The following MTUS2 variants were observed in gnomAD, a reference collection of about 807,000 sequenced individuals.
MTUS2 encodes microtubule associated scaffold protein 2.
MTUS2 carries 40 observed loss-of-function variants against 114.1 expected under a neutral mutation model. That is an observed-to-expected ratio of 0.35 (90% CI 0.27 to 0.46). The LOEUF (loss-of-function observed/expected upper bound fraction) is 0.46, where lower values mean the gene tolerates loss of function less well. MTUS2 is among the 20% of genes least tolerant of loss of function. The pLI is 1.00. For synonymous variants in MTUS2, 688 were observed against 672.0 expected (o/e 1.02, Z -0.37); for missense variants, 1,679 against 1,705.4 (o/e 0.98, Z 0.27).
chr13:28,999,851 A>G (rs1331810887), intron 2 of MTUS2, among the ~76,000 whole-genome samples: 1 of 152,314 alleles, frequency 6.6e-6, no homozygotes. Flanking sequence ...TAGATTCCAT[A>G]TATGAGTGAC....
intron 10 of MTUS2, among the ~76,000 whole-genome samples, chr13:29,483,308 G>A (rs1881340980): frequency 6.6e-6 from 1 of 152,210 alleles, no homozygotes; most frequent in Admixed American, 6.5e-5. Flanking sequence ...GGACTCGCCG[G>A]CCGAGGCAGG....
chr13:28,849,792 T>C (rs1220520825), intron 2 of MTUS2, among the ~76,000 whole-genome samples: 1 of 152,114 alleles, frequency 6.6e-6, no homozygotes, highest in Non-Finnish European at 1.5e-5. Flanking sequence ...GACGTTCTTC[T>C]GTCTAGAATG....
intron 1 of MTUS2, among the ~76,000 whole-genome samples, chr13:28,828,727 G>C (rs1057398415): frequency 2.0e-5 from 3 of 151,994 alleles, no homozygotes; most frequent in Admixed American, 6.6e-5. Context: ...AAGACACTTA[G>C]TAATACAAAT....
At chr13:29,088,417 T>C (rs922999513) in intron 4 of MTUS2, among the ~76,000 whole-genome samples, 6 of 152,174 alleles carry the variant, frequency 3.9e-5, no homozygotes, top group Admixed American at 2.6e-4. Context: ...TCTTAGAGTA[T>C]GTGCCATGTG....
At chr13:29,255,121 A>G (rs1897251584) in intron 5 of MTUS2, among the ~76,000 whole-genome samples, 1 of 152,178 alleles carries the variant, frequency 6.6e-6, no homozygotes, top group Admixed American at 6.5e-5. Context: ...CTCCCCGGTG[A>G]ACATTTTCTG....
intron 9 of MTUS2, among the ~76,000 whole-genome samples, chr13:29,473,276 G>A (rs565381000): frequency 6.6e-6 from 1 of 152,282 alleles, no homozygotes; most frequent in East Asian, 1.9e-4. Context: ...ACGAGCTGTA[G>A]AGCCAGATAG....
At chr13:29,263,130 G>C (rs767703572) in intron 5 of MTUS2, among the ~76,000 whole-genome samples, 5 of 152,204 alleles carry the variant, frequency 3.3e-5, no homozygotes, top group Admixed American at 6.5e-5. Context: ...GTGTTTGACT[G>C]TACTATATGG....
chr13:28,943,208 C>T (rs181947526), intron 2 of MTUS2, among the ~76,000 whole-genome samples: 1 of 152,158 alleles, frequency 6.6e-6, no homozygotes, highest in Admixed American at 6.5e-5. Flanking sequence ...ATTTTTAGAG[C>T]TAGTTAGGTA....
At chr13:29,439,929 T>C in intron 8 of MTUS2, 54 bp from the exon 9 acceptor site, 1 of 1,315,800 alleles carries the variant, frequency 7.6e-7, no homozygotes, top group Non-Finnish European at 1.1e-6. Flanking sequence ...CATGTGAAAG[T>C]GCTTATCTAG....
chr13:29,131,513 G>A (rs1289853425), intron 5 of MTUS2, among the ~76,000 whole-genome samples: 2 of 152,258 alleles, frequency 1.3e-5, no homozygotes, highest in Non-Finnish European at 2.9e-5. Context: ...CTTGGCGTGG[G>A]CAGACAGCTG....
At chr13:29,142,693 G>C (rs554840117) in intron 5 of MTUS2, among the ~76,000 whole-genome samples, 94 of 152,180 alleles carry the variant, frequency 6.2e-4, no homozygotes, top group Non-Finnish European at 1.2e-3. Context: ...GCAACAGAGT[G>C]AGACTGTCTC....
At chr13:29,023,139 G>T (rs778785606) in intron 2 of MTUS2, among the ~76,000 whole-genome samples, 40 of 152,292 alleles carry the variant, frequency 2.6e-4, no homozygotes, top group Middle Eastern at 6.8e-3. Flanking sequence ...ATGAGGTTGG[G>T]GGAGGATTCC....
intron 8 of MTUS2, among the ~76,000 whole-genome samples, chr13:29,416,082 ATTT>A (rs139281629): frequency 1.6e-5 from 2 of 127,734 alleles, no homozygotes; most frequent in Non-Finnish European, 1.6e-5. Flanking sequence ...CACCCCACTA[ATTT>A]TTTTTTTTTT....
chr13:29,255,246 G>A (rs1301204307), intron 5 of MTUS2, among the ~76,000 whole-genome samples: 1 of 152,162 alleles, frequency 6.6e-6, no homozygotes, highest in Non-Finnish European at 1.5e-5. Flanking sequence ...GGTTCAGATA[G>A]AGGCATGGTG....
intron 2 of MTUS2, among the ~76,000 whole-genome samples, chr13:28,903,110 C>G (rs1301477832): frequency 6.6e-6 from 1 of 152,020 alleles, no homozygotes; most frequent in African/African-American, 2.4e-5. Context: ...GAAGAACTTC[C>G]TTTAGCCACT....
intron 7 of MTUS2, among the ~76,000 whole-genome samples, chr13:29,348,246 G>A (rs1734917203): frequency 6.6e-6 from 1 of 152,024 alleles, no homozygotes; most frequent in Non-Finnish European, 1.5e-5. Context: ...GGCAAATGAT[G>A]CTTCTGTTAC....
At chr13:29,125,960 A>G (rs1280595563) in intron 5 of MTUS2, among the ~76,000 whole-genome samples, 2 of 152,230 alleles carry the variant, frequency 1.3e-5, no homozygotes, top group African/African-American at 4.8e-5. Context: ...TGGATTGGCC[A>G]AAGGATAGCC....
chr13:28,963,485 A>G (rs1461688588), intron 2 of MTUS2, among the ~76,000 whole-genome samples: 1 of 152,254 alleles, frequency 6.6e-6, no homozygotes, highest in Non-Finnish European at 1.5e-5. Flanking sequence ...AAGACAAAAA[A>G]TGGTCTGTTT....
chr13:29,141,155 A>G (rs1892204626), intron 5 of MTUS2, among the ~76,000 whole-genome samples: 1 of 152,232 alleles, frequency 6.6e-6, no homozygotes, highest in South Asian at 2.1e-4. Context: ...CAGTCCACAA[A>G]TGTTGAGCAC....
Sources: gnomAD v4.1 joint callset for allele counts (sites outside exome capture counted in the v4.1 genomes callset) on GRCh38, gnomAD v4.1.1 for gene constraint, MANE v1.5 for transcripts, NCBI Gene and HGNC (gene_info 2026-07-23, HGNC 2026-07-21) for gene names.